POPDC1: variants seen among roughly 807,000 people sequenced by gnomAD.
The protein encoded by POPDC1 is popeye domain-containing protein 1.
At chr6:105,111,734 T>C in the POPDC1 span, among the ~76,000 whole-genome samples, 117,617 of 152,074 alleles carry the variant, frequency 0.77, 47,705 homozygotes, top group Non-Finnish European at 0.88. Context: ...GATTTAGCAT[T>C]GTGTGGCATG....
chr6:105,102,084 C>T, the POPDC1 span, among the ~76,000 whole-genome samples: 88 of 152,292 alleles, frequency 5.8e-4, no homozygotes, highest in African/African-American at 2.0e-3. Flanking sequence ...CCATGTTGTC[C>T]GGGTTTCCAC....
the POPDC1 span, among the ~76,000 whole-genome samples, chr6:105,102,571 G>C: frequency 2.0e-5 from 3 of 152,172 alleles, no homozygotes; most frequent in African/African-American, 7.2e-5. Context: ...CAGTTCCAGA[G>C]TTCAAATCCC....
chr6:105,128,552 A>T, the POPDC1 span, among the ~76,000 whole-genome samples: 5 of 152,216 alleles, frequency 3.3e-5, no homozygotes, highest in Admixed American at 2.6e-4. Context: ...TACATAGCAT[A>T]ACCTGGAAAA....
chr6:105,110,430 T>C, the POPDC1 span, among the ~76,000 whole-genome samples: 1 of 152,198 alleles, frequency 6.6e-6, no homozygotes, highest in Non-Finnish European at 1.5e-5. Context: ...CATGTAAAGC[T>C]TATTGTTTGT....
chr6:105,122,446 G>A, the POPDC1 span, among the ~76,000 whole-genome samples: 1 of 152,116 alleles, frequency 6.6e-6, no homozygotes, highest in Non-Finnish European at 1.5e-5. Flanking sequence ...CTAGTGGTAG[G>A]AATTCCTTTT....
At chr6:105,122,623 C>T in the POPDC1 span, among the ~76,000 whole-genome samples, 1 of 152,168 alleles carries the variant, frequency 6.6e-6, no homozygotes, top group African/African-American at 2.4e-5. Context: ...TCACACAAAA[C>T]CACCTGCTAC....
At chr6:105,116,761 A>C in the POPDC1 span, 1 of 1,611,860 alleles carries the variant, frequency 6.2e-7, no homozygotes, top group Admixed American at 1.7e-5. Context: ...CTTTTCCAAT[A>C]AGATACCTAA....
chr6:105,115,207 C>T, the POPDC1 span, among the ~76,000 whole-genome samples: 3 of 152,254 alleles, frequency 2.0e-5, no homozygotes, highest in Non-Finnish European at 4.4e-5. Context: ...CTGCCTCAGC[C>T]TCCCGAGTAG....
At chr6:105,131,611 T>G in the POPDC1 span, among the ~76,000 whole-genome samples, 1 of 152,090 alleles carries the variant, frequency 6.6e-6, no homozygotes, top group African/African-American at 2.4e-5. Context: ...ACAGAAGGTC[T>G]CACTACATTG....
chr6:105,105,234 C>T, the POPDC1 span, among the ~76,000 whole-genome samples: 1 of 152,198 alleles, frequency 6.6e-6, no homozygotes, highest in African/African-American at 2.4e-5. Context: ...CTTTTTCCAC[C>T]TTGGTAGACA....
At chr6:105,132,994 T>G in the POPDC1 span, among the ~76,000 whole-genome samples, 4 of 152,188 alleles carry the variant, frequency 2.6e-5, no homozygotes, top group Admixed American at 6.5e-5. Flanking sequence ...ATGAGGAAAC[T>G]GAGGCAGTAG....
At chr6:105,129,628 C>G in the POPDC1 span, 4 of 889,684 alleles carry the variant, frequency 4.5e-6, no homozygotes, top group South Asian at 2.4e-5. Context: ...TTTGCAAGAC[C>G]CCCAGTGAAC....
the POPDC1 span, among the ~76,000 whole-genome samples, chr6:105,105,547 T>G: frequency 1.3e-5 from 2 of 152,206 alleles, no homozygotes; most frequent in Non-Finnish European, 2.9e-5. Context: ...ATCAGGAGAC[T>G]TACTGGTTCA....
the POPDC1 span, among the ~76,000 whole-genome samples, chr6:105,134,205 G>A: frequency 6.6e-6 from 1 of 151,490 alleles, no homozygotes; most frequent in Non-Finnish European, 1.5e-5. Context: ...TATATACACA[G>A]AGAGATACAA....
At chr6:105,115,968 CAT>C in the POPDC1 span, 2 of 632,800 alleles carry the variant, frequency 3.2e-6, no homozygotes, top group African/African-American at 1.9e-5. Context: ...GGCCAATAAA[CAT>C]AAGCTATGAT....
At chr6:105,112,443 G>A in the POPDC1 span, among the ~76,000 whole-genome samples, 102,509 of 152,064 alleles carry the variant, frequency 0.67, 40,484 homozygotes, top group East Asian at 0.87. Context: ...AAATACATAA[G>A]GTATATTTAA....
At chr6:105,119,216 G>T in the POPDC1 span, among the ~76,000 whole-genome samples, 1 of 144,066 alleles carries the variant, frequency 6.9e-6, no homozygotes, top group South Asian at 2.2e-4. Flanking sequence ...TAGTGGTAAA[G>T]TGAGCACTTT....
the POPDC1 span, among the ~76,000 whole-genome samples, chr6:105,116,167 CGACGT>C: frequency 2.8e-3 from 426 of 152,184 alleles, no homozygotes; most frequent in South Asian, 7.9e-3. Context: ...ATCACAGAAA[CGACGT>C]TTTTAAAAAT....
At chr6:105,132,339 CTT>C in the POPDC1 span, among the ~76,000 whole-genome samples, 2 of 152,190 alleles carry the variant, frequency 1.3e-5, no homozygotes, top group Admixed American at 6.5e-5. Flanking sequence ...CTTCTGTGCT[CTT>C]TGTTTGGATA....
Sources: allele counts gnomAD v4.1 joint callset (sites outside exome capture counted in the v4.1 genomes callset), GRCh38; gene constraint gnomAD v4.1.1; transcripts MANE v1.5; gene names NCBI Gene and HGNC (gene_info 2026-07-23, HGNC 2026-07-21).